CCDC148: variants seen among roughly 807,000 people sequenced by gnomAD.
CCDC148 encodes coiled-coil domain-containing protein 148.
Under a neutral mutation model 85.7 loss-of-function variants are expected in CCDC148, and 89 were observed. The observed-to-expected ratio is 1.04, with a 90% CI of 0.87 to 1.24. CCDC148 has a LOEUF of 1.24. Ranked by LOEUF, CCDC148 falls within the 50% of genes most tolerant of loss-of-function variation. The probability of loss-of-function intolerance (pLI) is 0.00; values close to 1 mark genes in which losing one functional copy is unlikely to be tolerated. For missense variants in CCDC148, 692 were observed against 671.7 expected, an observed-to-expected ratio of 1.03 and a Z score of -0.33; for synonymous variants, 230 against 213.9, an observed-to-expected ratio of 1.08 and a Z score of -0.66.
chr2:158,355,860 T>G (rs1451838235), intron 2 of CCDC148, among the ~76,000 whole-genome samples: 9 of 133,042 alleles, frequency 6.8e-5, no homozygotes, highest in African/African-American at 2.1e-4. Flanking sequence ...CAAAACAGCA[T>G]GGTACTGGTA....
chr2:158,349,767 T>C (rs1245332157), intron 2 of CCDC148, among the ~76,000 whole-genome samples: 1 of 152,066 alleles, frequency 6.6e-6, no homozygotes, highest in Non-Finnish European at 1.5e-5. Context: ...AAATGAAAAC[T>C]GCATGAAGAA....
intron 9 of CCDC148, among the ~76,000 whole-genome samples, chr2:158,267,938 A>G (rs1379894544): frequency 6.6e-6 from 1 of 152,114 alleles, no homozygotes; most frequent in Admixed American, 6.6e-5. Flanking sequence ...ATTCCTCTGA[A>G]TACTTTGAGA....
intron 1 of CCDC148, among the ~76,000 whole-genome samples, chr2:158,381,485 G>C (rs986482299): frequency 1.3e-5 from 2 of 152,110 alleles, no homozygotes; most frequent in Admixed American, 1.3e-4. Context: ...GTAAGAAAGT[G>C]GAGCAACCAG....
chr2:158,310,285 T>G (rs1044350500), intron 8 of CCDC148, among the ~76,000 whole-genome samples: 1 of 152,212 alleles, frequency 6.6e-6, no homozygotes, highest in Admixed American at 6.5e-5. Flanking sequence ...AGAATTTTTC[T>G]TAGTACAGAA....
chr2:158,369,764 T>C (rs1684357382), intron 1 of CCDC148, among the ~76,000 whole-genome samples: 1 of 152,142 alleles, frequency 6.6e-6, no homozygotes, highest in Non-Finnish European at 1.5e-5. Context: ...TCAAGGGGAA[T>C]CCTTCCAGCT....
At chr2:158,337,933 T>A (rs1005007011) in intron 7 of CCDC148, among the ~76,000 whole-genome samples, 1 of 152,200 alleles carries the variant, frequency 6.6e-6, no homozygotes, top group South Asian at 2.1e-4. Flanking sequence ...TCCAAAGTTA[T>A]AAACCTTTTA....
At position 158,304,592 on chromosome 2, in the gene CCDC148, T is replaced by C. The variant is rs137992803; in HGVS notation, c.1110+4841A>G. On this transcript the variant is annotated intron_variant, in intron 9 of 13. Coordinates refer to ENST00000283233, the MANE Select transcript of CCDC148 (RefSeq NM_138803.4). ...TACCATTAGCCAGTGGTTTCTTAAA[T>C]AGGGCACAAAAAAGATTGATGAATT... 5.1e-3 allele frequency among the ~76,000 whole-genome samples: 780 copies of C among 152,266 alleles called. 8 individuals are homozygous for C. The highest frequency in any genetic ancestry group is 0.018 in the African/African-American group (734 of 41,528).
At chr2:158,274,320 T>C (rs148319044) in intron 9 of CCDC148, among the ~76,000 whole-genome samples, 1 of 152,296 alleles carries the variant, frequency 6.6e-6, no homozygotes, top group Admixed American at 6.5e-5. Context: ...ATAGACTATG[T>C]CCCTGAATTT....
chr2:158,341,041 A>C (rs954829185), intron 3 of CCDC148, among the ~76,000 whole-genome samples: 3 of 152,160 alleles, frequency 2.0e-5, no homozygotes, highest in African/African-American at 7.2e-5. Flanking sequence ...AGCAATAGAG[A>C]TGGAAGATGA....
chr2:158,414,551 T>C (rs1201340074), intron 1 of CCDC148, among the ~76,000 whole-genome samples: 2 of 149,518 alleles, frequency 1.3e-5, no homozygotes, highest in Non-Finnish European at 3.0e-5. Context: ...CTGCACGTTG[T>C]GCACATGTAC....
At chr2:158,293,319 C>T (rs1024812101) in intron 9 of CCDC148, among the ~76,000 whole-genome samples, 3 of 152,216 alleles carry the variant, frequency 2.0e-5, no homozygotes, top group Non-Finnish European at 4.4e-5. Flanking sequence ...TAGGAGCCAA[C>T]ACACCTTACA....
intron 1 of CCDC148, among the ~76,000 whole-genome samples, chr2:158,417,681 T>C (rs1272116982): frequency 6.6e-6 from 1 of 152,188 alleles, no homozygotes; most frequent in Non-Finnish European, 1.5e-5. Context: ...CCCTCTCCTT[T>C]ACCGTCCACA....
chr2:158,331,605 G>A (rs545397046), intron 7 of CCDC148, among the ~76,000 whole-genome samples: 1 of 152,124 alleles, frequency 6.6e-6, no homozygotes, highest in African/African-American at 2.4e-5. Context: ...TTGCCATGGG[G>A]TGTTAAAGTC....
chr2:158,285,875 G>T (rs942720511), intron 9 of CCDC148, among the ~76,000 whole-genome samples: 1 of 151,960 alleles, frequency 6.6e-6, no homozygotes, highest in Non-Finnish European at 1.5e-5. Context: ...TCTCTTTCAG[G>T]TCAGGAACAA....
In CCDC148 at chr2:158,171,672, A is replaced by C. The variant is rs1231255151; in HGVS notation, c.*441T>G. 1 of 152,056 alleles carries C rather than the reference A, an allele frequency of 6.6e-6. No homozygotes were observed. The highest frequency in any genetic ancestry group is 1.5e-5 in the Non-Finnish European group (1 of 68,010). 9.4% of individuals were successfully genotyped at this position (152,056 alleles called of 1,614,324 possible). A position where few individuals can be genotyped will look rare whatever the true frequency, so the allele number is the denominator to read the frequency against. Reference sequence around the variant, plus strand: ...GAGAAAGGTTGAGTCTCCTCTTATAATAATCAAGAAATAATAGAAGTATTA... The same window carrying C: ...GAGAAAGGTTGAGTCTCCTCTTATACTAATCAAGAAATAATAGAAGTATTA... On this transcript the variant is annotated 3_prime_UTR_variant, in exon 14 of 14. Coordinates refer to ENST00000283233, the MANE Select transcript of CCDC148 (RefSeq NM_138803.4).
At chr2:158,396,822 T>C (rs1685542300) in intron 1 of CCDC148, among the ~76,000 whole-genome samples, 1 of 152,098 alleles carries the variant, frequency 6.6e-6, no homozygotes, top group South Asian at 2.1e-4. Flanking sequence ...TTATTATTGC[T>C]GCTGCTGCTA....
At position 158,285,897 on chromosome 2, in the gene CCDC148, C is replaced by A. The variant is rs538836980; in HGVS notation, c.1110+23536G>T. 2.6e-5 allele frequency among the ~76,000 whole-genome samples: 4 copies of A among 152,128 alleles called. No homozygotes were observed. The East Asian group carries it at 5.8e-4, about 22-fold the overall frequency. On this transcript the variant is annotated intron_variant, in intron 9 of 13. Coordinates refer to ENST00000283233, the MANE Select transcript of CCDC148 (RefSeq NM_138803.4). ...CAGGTCAGGAACAAGACAAAAATGGCCCTTATCAATGCTTCTATTCAATAC... is the reference window on the plus strand; with the variant it reads ...CAGGTCAGGAACAAGACAAAAATGGACCTTATCAATGCTTCTATTCAATAC...
At chr2:158,222,447 G>A (rs1235781001) in intron 10 of CCDC148, among the ~76,000 whole-genome samples, 1 of 151,860 alleles carries the variant, frequency 6.6e-6, no homozygotes, top group Non-Finnish European at 1.5e-5. Flanking sequence ...TATAGTATAA[G>A]TGTGCTCTCT....
chr2:158,443,392 T>C (rs1688018747), intron 1 of CCDC148, among the ~76,000 whole-genome samples: 1 of 149,952 alleles, frequency 6.7e-6, no homozygotes, highest in Non-Finnish European at 1.5e-5. Flanking sequence ...TGGTCCCAGC[T>C]ACTTAGCAGG....
Sources: allele counts gnomAD v4.1 joint callset (sites outside exome capture counted in the v4.1 genomes callset), GRCh38; gene constraint gnomAD v4.1.1; transcripts MANE v1.5; gene names NCBI Gene and HGNC (gene_info 2026-07-23, HGNC 2026-07-21).